The following DAAM1 variants were observed in gnomAD, a reference collection of about 807,000 sequenced individuals.
The protein encoded by DAAM1 is disheveled-associated activator of morphogenesis 1.
DAAM1 carries 52 observed loss-of-function variants against 130.0 expected under a neutral mutation model. The observed-to-expected ratio is 0.40, with a 90% confidence interval of 0.32 to 0.50. DAAM1 has a LOEUF of 0.50. Ranked by LOEUF, DAAM1 falls within the 20% of genes least tolerant of loss-of-function variation. DAAM1 has a pLI of 0.61. For missense variants in DAAM1, 1,134 were observed against 1,303.8 expected (o/e 0.87, Z 2.01); for synonymous variants, 452 against 444.5 (o/e 1.02, Z -0.21).
intron 16 of DAAM1, 101 bp downstream of exon 16, chr14:59,340,281 A>C: frequency 9.3e-7 from 1 of 1,077,614 alleles, no homozygotes; most frequent in South Asian, 1.4e-5. Context: ...TACTCTGCTG[A>C]GGTACAGTTC....
Position 59,325,654 on chromosome 14 carries a change from T to G in DAAM1, c.990-10T>G. 1 of 1,613,142 alleles carries G rather than the reference T, an allele frequency of 6.2e-7. No homozygotes were observed. Among genetic ancestry groups the G allele is most frequent in the Non-Finnish European group, 8.5e-7 (1 of 1,179,548 alleles). ...TTCTACTTAATAACTTTTCTTTCAT[T>G]ATTTTTCAGGCATTTAGACTTTTTT... On this transcript the variant is annotated splice_polypyrimidine_tract_variant and intron_variant, in intron 8 of 24. Coordinates refer to ENST00000360909, the MANE Select transcript of DAAM1 (RefSeq NM_001270520.2).
At chr14:59,367,745 T>G (rs1242782477) in intron 24 of DAAM1, 146 bp downstream of exon 24, 10 of 1,139,884 alleles carry the variant, frequency 8.8e-6, no homozygotes, top group South Asian at 2.8e-5. Flanking sequence ...TACATTGGTG[T>G]TGTTTCTCTT....
intron 1 of DAAM1, among the ~76,000 whole-genome samples, chr14:59,216,726 A>AG (rs1185683301): frequency 6.7e-6 from 1 of 150,138 alleles, no homozygotes; most frequent in Non-Finnish European, 1.5e-5. Context: ...TCTCAAAAGA[A>AG]AAAAAAAAAA....
At chr14:59,326,120 G>T in intron 10 of DAAM1, 43 bp downstream of exon 10, 2 of 1,569,500 alleles carry the variant, frequency 1.3e-6, no homozygotes, top group Non-Finnish European at 1.8e-6. Context: ...TGAATGTTTG[G>T]ACATTGTCCT....
At chr14:59,326,824 G>T (rs1188633155) in intron 11 of DAAM1, 109 bp from the exon 12 acceptor site, 5 of 1,525,876 alleles carry the variant, frequency 3.3e-6, no homozygotes, top group African/African-American at 1.4e-5. Flanking sequence ...TTTCAAGCAT[G>T]CACTGAGGAT....
chr14:59,335,773 A>C (rs182059264), intron 15 of DAAM1, among the ~76,000 whole-genome samples: 66 of 152,274 alleles, frequency 4.3e-4, no homozygotes, highest in Non-Finnish European at 3.2e-4. Context: ...CAGGCTCCAG[A>C]ATCCAACCTC....
intron 23 of DAAM1, among the ~76,000 whole-genome samples, chr14:59,366,337 C>G (rs1886915973): frequency 1.3e-5 from 2 of 152,272 alleles, no homozygotes; most frequent in African/African-American, 4.8e-5. Context: ...AGATTCCATA[C>G]TCAGTTGCTG....
At chr14:59,346,640 A>G (rs17096133) in intron 16 of DAAM1, among the ~76,000 whole-genome samples, 6,215 of 152,216 alleles carry the variant, frequency 0.041, 428 homozygotes, top group African/African-American at 0.14. Flanking sequence ...ATGCTTACAA[A>G]TTAAACAAAG....
intron 1 of DAAM1, among the ~76,000 whole-genome samples, chr14:59,231,713 T>C (rs1342164422): frequency 6.6e-6 from 1 of 152,166 alleles, no homozygotes; most frequent in Non-Finnish European, 1.5e-5. Context: ...AGTTAGAACT[T>C]GATGAGGAAT....
chr14:59,248,653 T>C (rs751910496), intron 1 of DAAM1, among the ~76,000 whole-genome samples: 1 of 152,226 alleles, frequency 6.6e-6, no homozygotes, highest in Non-Finnish European at 1.5e-5. Context: ...TCTTGGCTGC[T>C]AGTCTTATAA....
intron 2 of DAAM1, among the ~76,000 whole-genome samples, chr14:59,284,837 T>C (rs1245109852): frequency 6.6e-6 from 1 of 152,138 alleles, no homozygotes; most frequent in Admixed American, 6.6e-5. Context: ...CCTGTATTTA[T>C]TGGCATTTCA....
intron 2 of DAAM1, among the ~76,000 whole-genome samples, chr14:59,268,804 C>G (rs1369475847): frequency 6.6e-6 from 1 of 152,190 alleles, no homozygotes; most frequent in Non-Finnish European, 1.5e-5. Context: ...CCTCTGTGCT[C>G]TCTGCCTCAG....
At chr14:59,300,291 A>G (rs1245718881) in intron 3 of DAAM1, among the ~76,000 whole-genome samples, 1 of 152,220 alleles carries the variant, frequency 6.6e-6, no homozygotes, top group African/African-American at 2.4e-5. Context: ...AATTTGCTCA[A>G]AGTTGCAGCA....
chr14:59,344,728 C>G (rs1886001781), intron 16 of DAAM1, among the ~76,000 whole-genome samples: 1 of 152,134 alleles, frequency 6.6e-6, no homozygotes, highest in Admixed American at 6.5e-5. Flanking sequence ...AGTGTTTAGT[C>G]CAGACAGCCT....
At chr14:59,307,339 G>A (rs929871856) in intron 3 of DAAM1, among the ~76,000 whole-genome samples, 2 of 152,170 alleles carry the variant, frequency 1.3e-5, no homozygotes, top group African/African-American at 4.8e-5. Context: ...ACATCATGAT[G>A]CTAATCATAA....
At chr14:59,338,699 GTTTC>G in intron 15 of DAAM1, among the ~76,000 whole-genome samples, 1 of 151,336 alleles carries the variant, frequency 6.6e-6, no homozygotes, top group Middle Eastern at 3.4e-3. Context: ...GAGTTCTTTG[GTTTC>G]TTTACTTTTT....
chr14:59,310,843 A>G (rs1884559949), intron 3 of DAAM1, among the ~76,000 whole-genome samples: 1 of 152,210 alleles, frequency 6.6e-6, no homozygotes, highest in Non-Finnish European at 1.5e-5. Context: ...TAGCTGACTA[A>G]ATGAATGTTG....
In DAAM1 at chr14:59,245,685, G is replaced by T. The variant is rs187468966; in HGVS notation, c.-37-17756G>T. Among the ~76,000 whole-genome samples, 64 of 152,264 alleles carry T rather than the reference G, an allele frequency of 4.2e-4. No individual in the cohort carries two copies. In the East Asian group the frequency reaches 0.012, roughly 28 times the overall value. ...TTCTGTCACTAAGCAATGAATTGGG[G>T]TGACATTAATGTACAGAATTGTCTC... On this transcript the variant is annotated intron_variant, in intron 1 of 24. Transcript: ENST00000360909.
At chr14:59,301,226 T>C (rs1447016980) in intron 3 of DAAM1, among the ~76,000 whole-genome samples, 1 of 152,110 alleles carries the variant, frequency 6.6e-6, no homozygotes, top group African/African-American at 2.4e-5. Flanking sequence ...ATTACTGTAA[T>C]ATAAAGTGCT....
Sources: allele counts gnomAD v4.1 joint callset (sites outside exome capture counted in the v4.1 genomes callset), GRCh38; gene constraint gnomAD v4.1.1; transcripts MANE v1.5; gene names NCBI Gene and HGNC (gene_info 2026-07-23, HGNC 2026-07-21).